TRAPPC9: variants seen among roughly 807,000 people sequenced by gnomAD.
TRAPPC9 encodes the protein trafficking protein particle complex subunit 9.
Under a neutral mutation model 124.0 loss-of-function variants are expected in TRAPPC9, and 83 were observed. The observed-to-expected ratio is 0.67, with a 90% CI of 0.56 to 0.80. The LOEUF (loss-of-function observed/expected upper bound fraction) is 0.80, where lower values mean the gene tolerates loss of function less well. TRAPPC9 is among the 30% of genes least tolerant of loss of function. The probability of loss-of-function intolerance (pLI) is 0.00; values close to 1 mark genes in which losing one functional copy is unlikely to be tolerated. For synonymous variants in TRAPPC9, 638 were observed against 617.5 expected (o/e 1.03, Z -0.49); for missense variants, 1,302 against 1,508.3 (o/e 0.86, Z 2.27).
chr8:140,095,517 G>A (rs1236886654), intron 17 of TRAPPC9: 4 of 152,140 alleles, frequency 2.6e-5, no homozygotes, highest in Admixed American at 6.5e-5. Flanking sequence ...CTGCAGGAAG[G>A]GGACCCGCTC....
chr8:140,197,568 C>T (rs1050817649), intron 17 of TRAPPC9, among the ~76,000 whole-genome samples: 3 of 152,126 alleles, frequency 2.0e-5, no homozygotes, highest in African/African-American at 7.2e-5. Context: ...GCATCTGCCT[C>T]GGTATCAAGG....
chr8:140,280,075 CTG>C (rs1453351025), intron 14 of TRAPPC9, among the ~76,000 whole-genome samples: 3 of 152,230 alleles, frequency 2.0e-5, no homozygotes, highest in Non-Finnish European at 4.4e-5. Context: ...CTGCACAGGC[CTG>C]TGAGCGCGTG....
At chr8:139,755,630 A>G in intron 21 of TRAPPC9, among the ~76,000 whole-genome samples, 1 of 121,582 alleles carries the variant, frequency 8.2e-6, no homozygotes, top group East Asian at 2.7e-4. Context: ...TAAGGACAGC[A>G]GGTCGCAGGA....
At chr8:139,922,245 C>T (rs995013105) in intron 19 of TRAPPC9, among the ~76,000 whole-genome samples, 35 of 151,358 alleles carry the variant, frequency 2.3e-4, no homozygotes, top group African/African-American at 8.3e-4. Flanking sequence ...GGCACACTCT[C>T]GGCTCACTGA....
intron 21 of TRAPPC9, among the ~76,000 whole-genome samples, chr8:139,881,928 G>C (rs1329966773): frequency 2.0e-5 from 3 of 152,152 alleles, no homozygotes; most frequent in South Asian, 2.1e-4. Flanking sequence ...CTCCTGCCTG[G>C]GCCTCCCTCT....
intron 21 of TRAPPC9, among the ~76,000 whole-genome samples, chr8:139,787,391 G>A (rs1194969837): frequency 2.0e-5 from 3 of 152,054 alleles, no homozygotes; most frequent in African/African-American, 4.8e-5. Flanking sequence ...GGTTGCTGTC[G>A]CCACCCTTTA....
chr8:140,011,307 A>G (rs2131847721), intron 18 of TRAPPC9, among the ~76,000 whole-genome samples: 1 of 151,940 alleles, frequency 6.6e-6, no homozygotes, highest in African/African-American at 2.4e-5. Flanking sequence ...GTACCACTGC[A>G]CTCCAGCCTG....
In TRAPPC9 at chr8:140,045,631, G is replaced by GA. The variant is rs57243402; in HGVS notation, c.2557-21553dup. Among the ~76,000 whole-genome samples, 332 of 33,228 alleles carry GA rather than the reference G, an allele frequency of 1.0e-2. 11 individuals carry two copies. The highest frequency in any genetic ancestry group is 0.043 in the South Asian group (21 of 494). 21.8% of individuals were successfully genotyped at this position (33,228 alleles called of 152,430 possible). Reference sequence around the variant, plus strand: ...GACAGAGCAAGACTCCATCTCGGCAGAAAAAAAAAAAAAAAAAAAAAAAAA... The same window carrying GA: ...GACAGAGCAAGACTCCATCTCGGCAGAAAAAAAAAAAAAAAAAAAAAAAAAA... On this transcript the variant is annotated intron_variant, in intron 17 of 22. Coordinates refer to ENST00000438773, the MANE Select transcript of TRAPPC9 (RefSeq NM_001160372.4).
chr8:139,968,064 C>A (rs1308675518), intron 19 of TRAPPC9, among the ~76,000 whole-genome samples: 7 of 151,554 alleles, frequency 4.6e-5, no homozygotes, highest in Non-Finnish European at 8.8e-5. Context: ...TTGCTTGAAC[C>A]AGGGAGGTGG....
At chr8:140,158,078 T>TGC (rs547851862) in intron 17 of TRAPPC9, among the ~76,000 whole-genome samples, 205 of 152,348 alleles carry the variant, frequency 1.3e-3, no homozygotes, top group Non-Finnish European at 1.9e-3. Context: ...CTATAACAGA[T>TGC]AACCTAATAT....
chr8:140,155,066 C>A (rs1333417739), intron 17 of TRAPPC9, among the ~76,000 whole-genome samples: 2 of 152,140 alleles, frequency 1.3e-5, no homozygotes, highest in Non-Finnish European at 2.9e-5. Context: ...GGCACTCAGC[C>A]GAGGCTCAAT....
chr8:140,409,403 G>A (rs1364886144), intron 5 of TRAPPC9, among the ~76,000 whole-genome samples: 1 of 152,164 alleles, frequency 6.6e-6, no homozygotes, highest in Non-Finnish European at 1.5e-5. Flanking sequence ...GCAGGATCTA[G>A]TAACACTACA....
At chr8:140,058,894 T>A (rs767256842) in intron 17 of TRAPPC9, among the ~76,000 whole-genome samples, 1 of 152,266 alleles carries the variant, frequency 6.6e-6, no homozygotes, top group South Asian at 2.1e-4. Flanking sequence ...TTTGCGGCAG[T>A]GGGTTCTCAG....
intron 7 of TRAPPC9, among the ~76,000 whole-genome samples, chr8:140,387,706 A>C (rs748909888): frequency 5.8e-4 from 89 of 152,314 alleles, no homozygotes; most frequent in Non-Finnish European, 1.1e-3. Context: ...AATGGTGATC[A>C]TTAAAAAGTC....
chr8:140,095,168 T>C (rs1264461218), intron 17 of TRAPPC9: 5 of 152,322 alleles, frequency 3.3e-5, no homozygotes, highest in South Asian at 2.1e-4. Context: ...GAACATCAGA[T>C]GTCTGGCTGG....
chr8:139,942,128 A>G (rs1197639530), intron 19 of TRAPPC9, among the ~76,000 whole-genome samples: 1 of 152,184 alleles, frequency 6.6e-6, no homozygotes, highest in African/African-American at 2.4e-5. Context: ...GGGCTGACGG[A>G]TATGAGAACA....
chr8:140,199,409 C>G (rs1232621644), intron 17 of TRAPPC9, among the ~76,000 whole-genome samples: 1 of 152,094 alleles, frequency 6.6e-6, no homozygotes, highest in African/African-American at 2.4e-5. Context: ...TATTAACCAA[C>G]GTCACTGGAG....
intron 21 of TRAPPC9, among the ~76,000 whole-genome samples, chr8:139,818,996 G>A (rs145058083): frequency 4.6e-5 from 7 of 152,194 alleles, no homozygotes; most frequent in South Asian, 2.1e-4. Flanking sequence ...GACTGGTACC[G>A]GTCTATGTCC....
chr8:139,907,060 G>A lies in TRAPPC9; in HGVS notation c.2964+3087C>T, dbSNP rs1297480085. 6.6e-6 allele frequency among the ~76,000 whole-genome samples: 1 copy of A among 152,216 alleles called. No homozygotes were observed. Among genetic ancestry groups the A allele is most frequent in the Non-Finnish European group, 1.5e-5 (1 of 68,048 alleles). On this transcript the variant is annotated intron_variant, in intron 20 of 22. Transcript: ENST00000438773. The surrounding 1 kb of genome is among the most constrained non-coding windows in gnomAD (Gnocchi z 4.7). ...TCAGCCCCACAACGCTGCACTGCAA[G>A]TGCCCATCTCTGTATCTGTCCCCTC...
Sources: gnomAD v4.1 joint callset for allele counts (sites outside exome capture counted in the v4.1 genomes callset) on GRCh38, gnomAD v4.1.1 for gene constraint, Gnocchi (gnomAD v3.1) non-coding constraint, MANE v1.5 for transcripts, NCBI Gene and HGNC (gene_info 2026-07-23, HGNC 2026-07-21) for gene names.